SPNS2: variants seen among roughly 807,000 people sequenced by gnomAD.
SPNS2 encodes SPNS lysolipid transporter 2, sphingosine-1-phosphate.
In SPNS2, 37 loss-of-function variants were observed where a neutral mutation model predicts 57.6. That is an observed-to-expected ratio of 0.64 (90% confidence interval 0.49 to 0.85). The LOEUF (loss-of-function observed/expected upper bound fraction) is 0.85. Among genes scored for constraint, SPNS2 ranks in the 40% least tolerant of loss-of-function variants. SPNS2 has a pLI of 0.00. For missense variants in SPNS2, 831 were observed against 779.1 expected (o/e 1.07, Z -0.79); for synonymous variants, 440 against 346.9 (o/e 1.27, Z -2.98).
Position 4,510,811 on chromosome 17 carries a change from A to G in SPNS2, c.371-2436A>G, listed in dbSNP as rs1260706014. On this transcript the variant is annotated intron_variant, in intron 1 of 12. Coordinates refer to ENST00000329078, the MANE Select transcript of SPNS2 (RefSeq NM_001124758.3). The surrounding 1 kb of genome is among the most constrained non-coding windows in gnomAD (Gnocchi z 4.4). ...TGAAGAAACATTCACCCACGTGTAAAGTCCCTGTGGGTTATGTGTGTGCTG... is the reference window on the plus strand; with the variant it reads ...TGAAGAAACATTCACCCACGTGTAAGGTCCCTGTGGGTTATGTGTGTGCTG... Among the ~76,000 whole-genome samples the G allele has an allele frequency of 6.6e-6, 1 of 152,154 alleles. No individual in the cohort carries two copies. The highest frequency in any genetic ancestry group is 1.9e-4 in the East Asian group (1 of 5,194).
chr17:4,505,323 G>T (rs1395496266), intron 1 of SPNS2, among the ~76,000 whole-genome samples: 1 of 152,174 alleles, frequency 6.6e-6, no homozygotes, highest in Non-Finnish European at 1.5e-5. Flanking sequence ...GGCTGAAAGG[G>T]CACTGGTAGG....
At chr17:4,516,219 CAGG>C (rs1225729087) in intron 2 of SPNS2, among the ~76,000 whole-genome samples, 1 of 149,268 alleles carries the variant, frequency 6.7e-6, no homozygotes, top group South Asian at 2.1e-4. Flanking sequence ...GAGGCTGAGG[CAGG>C]AGAATCGCTT....
intron 3 of SPNS2, 67 bp downstream of exon 3, chr17:4,525,260 T>C: frequency 1.9e-6 from 3 of 1,576,526 alleles, no homozygotes; most frequent in Admixed American, 1.7e-5. Flanking sequence ...GCTAGTCTTA[T>C]TGGCCTGTTG....
chr17:4,504,045 G>T (rs1904605945), intron 1 of SPNS2, among the ~76,000 whole-genome samples: 1 of 150,404 alleles, frequency 6.6e-6, no homozygotes, highest in Non-Finnish European at 1.5e-5. Flanking sequence ...GGGAAACTGA[G>T]GCCCAGGGTC....
Position 4,510,108 on chromosome 17 carries a change from G to T in SPNS2, c.371-3139G>T, listed in dbSNP as rs1049202439. 1.3e-5 allele frequency among the ~76,000 whole-genome samples: 2 copies of T among 152,376 alleles called. No individual in the cohort carries two copies. The highest frequency in any genetic ancestry group is 6.5e-5 in the Admixed American group (1 of 15,314). ...CACGCTTCCCGTGCCAGCGGCCAGC[G>T]GGATCTCACCCTCCTGTGGCTGTGG... On this transcript the variant is annotated intron_variant, in intron 1 of 12. Transcript: ENST00000329078. This position sits in a 1 kb window ranked among gnomAD's most constrained non-coding sequence, Gnocchi z 4.4.
At chr17:4,528,079 A>G (rs150022347) in intron 3 of SPNS2, among the ~76,000 whole-genome samples, 201 of 151,418 alleles carry the variant, frequency 1.3e-3, no homozygotes, top group African/African-American at 4.4e-3. Context: ...CTGGAGTGCA[A>G]TGGCACAATC....
At chr17:4,527,226 A>G (rs1905282386) in intron 3 of SPNS2, among the ~76,000 whole-genome samples, 1 of 152,258 alleles carries the variant, frequency 6.6e-6, no homozygotes, top group Non-Finnish European at 1.5e-5. Context: ...GGCAGAGAAA[A>G]TGCCCAGGAA....
chr17:4,504,417 A>G (rs9896111), intron 1 of SPNS2, among the ~76,000 whole-genome samples: 27,801 of 152,032 alleles, frequency 0.18, 3,525 homozygotes, highest in East Asian at 0.64. Context: ...GTCATCCATC[A>G]GAGGAAGTGC....
At chr17:4,524,161 C>G (rs1268470659) in intron 2 of SPNS2, among the ~76,000 whole-genome samples, 2 of 151,550 alleles carry the variant, frequency 1.3e-5, no homozygotes, top group Admixed American at 6.6e-5. Flanking sequence ...TGTGACCTTG[C>G]GTAGATCTCT....
At chr17:4,526,852 G>A (rs1457082861) in intron 3 of SPNS2, among the ~76,000 whole-genome samples, 2 of 152,324 alleles carry the variant, frequency 1.3e-5, no homozygotes, top group African/African-American at 4.8e-5. Flanking sequence ...TCATGGGGCA[G>A]CTTCGCAGAG....
rs1010243178 is a variant in SPNS2, at chr17:4,510,072, C to G, written c.371-3175C>G. Among the ~76,000 whole-genome samples, 1 of 152,280 alleles carries G rather than the reference C, an allele frequency of 6.6e-6. No individual in the cohort carries two copies. The highest frequency in any genetic ancestry group is 6.5e-5 in the Admixed American group (1 of 15,288). On this transcript the variant is annotated intron_variant, in intron 1 of 12. Transcript: ENST00000329078. The surrounding 1 kb of genome is among the most constrained non-coding windows in gnomAD (Gnocchi z 4.4). ...GGAAAATCTGAGGCGACCCGCCGAG[C>G]TGCTGTGACACACGCTTCCCGTGCC... is the stretch of plus-strand genomic sequence containing the variant.
In SPNS2 at chr17:4,522,881, T is replaced by C. The variant is rs528414114; in HGVS notation, c.437-2176T>C. ...GCAGTGGCCTCCCTGTGGAATCTTCTAAACCTCTTGTTCTGGAAGAACAAA... is the reference window on the plus strand; with the variant it reads ...GCAGTGGCCTCCCTGTGGAATCTTCCAAACCTCTTGTTCTGGAAGAACAAA... On this transcript the variant is annotated intron_variant, in intron 2 of 12. Transcript: ENST00000329078. Among the ~76,000 whole-genome samples the C allele has an allele frequency of 8.7e-4, 132 of 152,380 alleles. 1 individual carries two copies. The highest frequency in any genetic ancestry group is 1.4e-3 in the Non-Finnish European group (95 of 68,036).
intron 2 of SPNS2, among the ~76,000 whole-genome samples, chr17:4,523,938 T>C (rs79156330): frequency 0.022 from 3,290 of 152,276 alleles, 88 homozygotes; most frequent in African/African-American, 0.066. Flanking sequence ...CTTTTGTTGA[T>C]TGATATATCC....
chr17:4,508,862 C>T (rs569015872), intron 1 of SPNS2, among the ~76,000 whole-genome samples: 1 of 152,248 alleles, frequency 6.6e-6, no homozygotes, highest in South Asian at 2.1e-4. Flanking sequence ...TGGGCCACAG[C>T]GTTAGCTCCT....
intron 1 of SPNS2, among the ~76,000 whole-genome samples, chr17:4,500,682 C>T (rs941010419): frequency 6.7e-6 from 1 of 149,742 alleles, no homozygotes; most frequent in Admixed American, 6.6e-5. Context: ...GAAGAGAGCC[C>T]GGGCATAAAC....
chr17:4,520,909 C>T (rs551510004), intron 2 of SPNS2, among the ~76,000 whole-genome samples: 109 of 152,252 alleles, frequency 7.2e-4, no homozygotes, highest in Non-Finnish European at 1.2e-3. Context: ...GCCTATATAT[C>T]CATAAATAAT....
intron 1 of SPNS2, among the ~76,000 whole-genome samples, chr17:4,502,968 C>T (rs1904569053): frequency 6.6e-6 from 1 of 152,220 alleles, no homozygotes; most frequent in Non-Finnish European, 1.5e-5. Context: ...CCATGAGAAC[C>T]CCCTGAGGGC....
At chr17:4,508,055 AAGCTGTTGAGTG>A (rs1392485865) in intron 1 of SPNS2, among the ~76,000 whole-genome samples, 1 of 152,202 alleles carries the variant, frequency 6.6e-6, no homozygotes, top group Non-Finnish European at 1.5e-5. Context: ...TGTCTGGGGC[AAGCTGTTGAGTG>A]AGTCAGGGCC....
chr17:4,525,704 C>G (rs1905248261), intron 3 of SPNS2, among the ~76,000 whole-genome samples: 1 of 152,224 alleles, frequency 6.6e-6, no homozygotes, highest in South Asian at 2.1e-4. Flanking sequence ...AATATCCCAA[C>G]TTTGTTTCCT....
Sources: gnomAD v4.1 joint callset for allele counts (sites outside exome capture counted in the v4.1 genomes callset) on GRCh38, gnomAD v4.1.1 for gene constraint, Gnocchi (gnomAD v3.1) non-coding constraint, MANE v1.5 for transcripts, NCBI Gene and HGNC (gene_info 2026-07-23, HGNC 2026-07-21) for gene names.